Variants in GRM7 observed in about 807,000 individuals in gnomAD.
GRM7 encodes the protein metabotropic glutamate receptor 7.
A neutral mutation model predicts 84.5 loss-of-function variants in GRM7; 35 were observed. The observed-to-expected ratio is 0.41, with a 90% confidence interval of 0.32 to 0.55. The LOEUF is 0.55. Ranked by LOEUF, GRM7 falls within the 20% of genes least tolerant of loss-of-function variation. The pLI, the probability that GRM7 is intolerant of heterozygous loss-of-function variation, is 0.19. For missense variants in GRM7, 1,003 were observed against 1,194.6 expected (o/e 0.84, Z 2.36); for synonymous variants, 487 against 455.1 (o/e 1.07, Z -0.89).
intron 1 of GRM7, among the ~76,000 whole-genome samples, chr3:7,094,327 A>C (rs1698777912): frequency 6.6e-6 from 1 of 152,218 alleles, no homozygotes; most frequent in African/African-American, 2.4e-5. Context: ...AAATGAGTTC[A>C]TGCATTCCAG....
intron 8 of GRM7, among the ~76,000 whole-genome samples, chr3:7,609,784 GAGTGGTAAATTTAAAGTAAAACCA>G: frequency 6.6e-6 from 1 of 152,244 alleles, no homozygotes; most frequent in African/African-American, 2.4e-5. Flanking sequence ...CACTTGGAGT[GAGTGGTAAATTTAAAGTAAAACCA>G]GCCAACATTA....
At chr3:7,516,468 C>T (rs1383117988) in intron 7 of GRM7, among the ~76,000 whole-genome samples, 1 of 96,736 alleles carries the variant, frequency 1.0e-5, no homozygotes, top group Non-Finnish European at 2.0e-5. Flanking sequence ...CAGAGCGAGA[C>T]TCCCTCTCAA....
chr3:7,010,243 G>C (rs1393183285), intron 1 of GRM7, among the ~76,000 whole-genome samples: 3 of 152,192 alleles, frequency 2.0e-5, no homozygotes, highest in Non-Finnish European at 4.4e-5. Flanking sequence ...CTGAGCTCTG[G>C]AGTTGGAACC....
chr3:6,891,393 G>A (rs1282084105), intron 1 of GRM7, among the ~76,000 whole-genome samples: 3 of 152,150 alleles, frequency 2.0e-5, no homozygotes, highest in Non-Finnish European at 4.4e-5. Context: ...TCCGCGTTTA[G>A]TGCTTCCTTC....
chr3:6,939,242 A>G (rs981362466), intron 1 of GRM7, among the ~76,000 whole-genome samples: 3 of 152,200 alleles, frequency 2.0e-5, no homozygotes, highest in Non-Finnish European at 4.4e-5. Flanking sequence ...TTTAGTTGTA[A>G]TAAGAAATAT....
intron 5 of GRM7, among the ~76,000 whole-genome samples, chr3:7,445,619 C>T (rs1697472218): frequency 6.6e-6 from 1 of 152,110 alleles, no homozygotes; most frequent in Admixed American, 6.6e-5. Context: ...TCATTCCAGA[C>T]CTGACTTTGC....
intron 7 of GRM7, among the ~76,000 whole-genome samples, chr3:7,570,484 T>G (rs189061931): frequency 1.3e-5 from 2 of 152,306 alleles, no homozygotes; most frequent in Non-Finnish European, 2.9e-5. Context: ...AGCAGGGCAG[T>G]CAAATCTTAA....
At chr3:7,156,057 A>G (rs539606161) in intron 2 of GRM7, among the ~76,000 whole-genome samples, 2 of 152,316 alleles carry the variant, frequency 1.3e-5, no homozygotes, top group East Asian at 3.9e-4. Context: ...ATCCTCAAGT[A>G]TCATTACACT....
intron 1 of GRM7, among the ~76,000 whole-genome samples, chr3:7,143,770 A>G (rs1202139697): frequency 6.6e-6 from 1 of 152,194 alleles, no homozygotes; most frequent in African/African-American, 2.4e-5. Flanking sequence ...TTGGCAGGAA[A>G]GGCATCTGCG....
At chr3:7,252,018 A>G (rs535839995) in intron 2 of GRM7, among the ~76,000 whole-genome samples, 4 of 152,278 alleles carry the variant, frequency 2.6e-5, no homozygotes, top group East Asian at 1.9e-4. Flanking sequence ...TAGGGAATCC[A>G]TTCTCTGTCT....
chr3:7,384,532 A>G (rs1694710867), intron 4 of GRM7, among the ~76,000 whole-genome samples: 1 of 152,230 alleles, frequency 6.6e-6, no homozygotes. Flanking sequence ...GGTGAAATTA[A>G]GTTTATAATA....
intron 1 of GRM7, among the ~76,000 whole-genome samples, chr3:6,935,158 G>A (rs1259255206): frequency 1.3e-5 from 2 of 152,158 alleles, no homozygotes; most frequent in African/African-American, 2.4e-5. Flanking sequence ...AGCATTTCAT[G>A]TAGTAGAATG....
intron 1 of GRM7, among the ~76,000 whole-genome samples, chr3:7,106,779 G>A (rs1692661598): frequency 6.6e-6 from 1 of 151,982 alleles, no homozygotes; most frequent in Admixed American, 6.6e-5. Context: ...CAGTGATCTG[G>A]ACTAAGGCAA....
At chr3:7,265,122 C>T (rs1575099190) in intron 2 of GRM7, among the ~76,000 whole-genome samples, 1 of 152,210 alleles carries the variant, frequency 6.6e-6, no homozygotes, top group African/African-American at 2.4e-5. Flanking sequence ...ACTAGGGACA[C>T]ATTCAAACAC....
At chr3:7,047,163 T>G (rs926439875) in intron 1 of GRM7, among the ~76,000 whole-genome samples, 11 of 151,838 alleles carry the variant, frequency 7.2e-5, no homozygotes, top group Admixed American at 7.2e-4. Flanking sequence ...TGTTGGAAAA[T>G]AATTCATTGT....
chr3:7,470,585 A>G (rs1018220489), intron 7 of GRM7, among the ~76,000 whole-genome samples: 4 of 152,174 alleles, frequency 2.6e-5, no homozygotes, highest in African/African-American at 9.6e-5. Context: ...TAGAGAGCCT[A>G]AACCTCCATA....
intron 4 of GRM7, among the ~76,000 whole-genome samples, chr3:7,392,912 T>C (rs1290445695): frequency 6.6e-6 from 1 of 152,118 alleles, no homozygotes; most frequent in African/African-American, 2.4e-5. Flanking sequence ...ATATACGGGG[T>C]AGCCAGGTTT....
chr3:7,206,679 A>G (rs1696251598), intron 2 of GRM7, among the ~76,000 whole-genome samples: 1 of 152,222 alleles, frequency 6.6e-6, no homozygotes, highest in African/African-American at 2.4e-5. Context: ...TTGCAAGGAA[A>G]GCAAAAGGAG....
At chr3:7,631,115 G>A (rs1298106204) in intron 8 of GRM7, among the ~76,000 whole-genome samples, 1 of 152,182 alleles carries the variant, frequency 6.6e-6, no homozygotes, top group Non-Finnish European at 1.5e-5. Flanking sequence ...CATTTCAGCT[G>A]TGGGGACCAG....
Sources: gnomAD v4.1 joint callset for allele counts (sites outside exome capture counted in the v4.1 genomes callset) on GRCh38, gnomAD v4.1.1 for gene constraint, MANE v1.5 for transcripts, NCBI Gene and HGNC (gene_info 2026-07-23, HGNC 2026-07-21) for gene names.